Variants in TENM4 observed in about 807,000 individuals in gnomAD.
The protein encoded by TENM4 is teneurin-4.
TENM4 carries 82 observed loss-of-function variants against 243.3 expected under a neutral mutation model. The observed-to-expected ratio is 0.34, with a 90% CI of 0.28 to 0.40. The LOEUF is 0.40. Ranked by LOEUF, TENM4 falls within the 10% of genes least tolerant of loss-of-function variation. The pLI, the probability that TENM4 is intolerant of heterozygous loss-of-function variation, is 1.00. For synonymous variants in TENM4, 1,412 were observed against 1,456.3 expected (o/e 0.97, Z 0.69); for missense variants, 3,138 against 3,673.3 (o/e 0.85, Z 3.77).
intron 2 of TENM4, among the ~76,000 whole-genome samples, chr11:79,231,032 C>T (rs1229002234): frequency 1.3e-5 from 2 of 152,138 alleles, no homozygotes; most frequent in Non-Finnish European, 2.9e-5. Flanking sequence ...CCAACCTTGG[C>T]TGGGGATTCT....
intron 1 of TENM4, among the ~76,000 whole-genome samples, chr11:79,349,472 G>C (rs941693295): frequency 2.0e-5 from 3 of 152,156 alleles, no homozygotes; most frequent in Non-Finnish European, 4.4e-5. Context: ...ATATTGTTGA[G>C]TCCCCAGAAT....
At chr11:78,920,186 T>C (rs1856418762) in intron 6 of TENM4, among the ~76,000 whole-genome samples, 1 of 152,204 alleles carries the variant, frequency 6.6e-6, no homozygotes, top group Admixed American at 6.5e-5. Flanking sequence ...AGACCATCGA[T>C]ATCAACTCAG....
chr11:79,273,716 C>T (rs769927199), intron 2 of TENM4, among the ~76,000 whole-genome samples: 1 of 152,146 alleles, frequency 6.6e-6, no homozygotes, highest in Non-Finnish European at 1.5e-5. Flanking sequence ...CCTGAGATCT[C>T]GAGGTTGGCT....
At chr11:78,913,606 TGTGTGTG>T (rs1856245479) in intron 6 of TENM4, among the ~76,000 whole-genome samples, 1 of 150,970 alleles carries the variant, frequency 6.6e-6, no homozygotes, top group East Asian at 1.9e-4. Context: ...TGTGTGTGTG[TGTGTGTG>T]TGTGTGTGTG....
intron 3 of TENM4, among the ~76,000 whole-genome samples, chr11:79,178,614 G>A (rs1863219107): frequency 6.6e-6 from 1 of 152,196 alleles, no homozygotes; most frequent in Admixed American, 6.5e-5. Context: ...ACTGAGCAAG[G>A]ACCACTGCAT....
intron 1 of TENM4, among the ~76,000 whole-genome samples, chr11:79,396,490 C>T (rs1471539299): frequency 6.6e-6 from 1 of 152,210 alleles, no homozygotes; most frequent in Non-Finnish European, 1.5e-5. Context: ...AATAGAAGCC[C>T]TGTGATCCCC....
intron 12 of TENM4, among the ~76,000 whole-genome samples, chr11:78,815,500 C>T (rs1209994682): frequency 6.6e-6 from 1 of 152,156 alleles, no homozygotes; most frequent in Non-Finnish European, 1.5e-5. Context: ...CCTCCTAATA[C>T]GTTTGTTACA....
At chr11:79,222,393 A>T (rs1457996998) in intron 2 of TENM4, among the ~76,000 whole-genome samples, 3 of 151,818 alleles carry the variant, frequency 2.0e-5, no homozygotes, top group Non-Finnish European at 4.4e-5. Flanking sequence ...ATTTTTTTTC[A>T]TCCAGTCTAT....
At chr11:79,240,531 A>G (rs902030228) in intron 2 of TENM4, among the ~76,000 whole-genome samples, 2 of 152,144 alleles carry the variant, frequency 1.3e-5, no homozygotes, top group African/African-American at 4.8e-5. Flanking sequence ...CAGAGAAATT[A>G]AGTAACTCAT....
At chr11:79,228,481 A>G (rs1307307368) in intron 2 of TENM4, among the ~76,000 whole-genome samples, 1 of 152,146 alleles carries the variant, frequency 6.6e-6, no homozygotes, top group Admixed American at 6.5e-5. Flanking sequence ...ACCAATGCCG[A>G]GACTCCAGTG....
chr11:79,278,875 G>T (rs1192009977), intron 2 of TENM4, among the ~76,000 whole-genome samples: 1 of 152,122 alleles, frequency 6.6e-6, no homozygotes, highest in Non-Finnish European at 1.5e-5. Context: ...TCAAGGTGAG[G>T]CCTGGGCTCT....
intron 1 of TENM4, among the ~76,000 whole-genome samples, chr11:79,313,841 T>C (rs992970097): frequency 1.3e-5 from 2 of 151,990 alleles, no homozygotes; most frequent in Non-Finnish European, 2.9e-5. Flanking sequence ...ATTACTGGAG[T>C]TCTGGGGAGG....
intron 3 of TENM4, among the ~76,000 whole-genome samples, chr11:79,189,346 C>G (rs1440380914): frequency 6.6e-6 from 1 of 152,152 alleles, no homozygotes; most frequent in Non-Finnish European, 1.5e-5. Context: ...GTGTTCCCAC[C>G]ACAGTCTCCT....
At position 78,701,646 on chromosome 11, in the gene TENM4, G is replaced by A. The variant is rs1859106561; in HGVS notation, c.4967C>T (p.Thr1656Ile). 2 of 1,613,824 alleles carry A rather than the reference G, an allele frequency of 1.2e-6. No individual in the cohort carries two copies. Among genetic ancestry groups the A allele is most frequent in the African/African-American group, 1.3e-5 (1 of 74,906 alleles). ...DGQVYWVTMG[T>I]NSALKSVTTQ... ...GGTCACACTCTTGAGTGCACTGTTG[G>A]TGCCCATGGTCACCCAGTACACCTG... The change falls in exon 28 of 34, where the codon ACC becomes ATC. Residue 1656 changes from threonine (T) to isoleucine (I), a missense_variant. Thr to Ile is a moderately conservative substitution (Grantham distance 89). Around this residue, in one of 2 missense-constraint regions of TENM4, gnomAD observed 2,467 missense variants for 3,059.1 expected, o/e 0.81. Coordinates refer to ENST00000278550, the MANE Select transcript of TENM4 (RefSeq NM_001098816.3).
chr11:78,814,085 G>A (rs143930700), intron 13 of TENM4, among the ~76,000 whole-genome samples: 6 of 152,124 alleles, frequency 3.9e-5, no homozygotes, highest in African/African-American at 4.8e-5. Flanking sequence ...TGACCTCCCC[G>A]ATCATCCACA....
At chr11:78,868,555 A>G (rs1013479438) in intron 9 of TENM4, among the ~76,000 whole-genome samples, 4 of 152,198 alleles carry the variant, frequency 2.6e-5, no homozygotes, top group Non-Finnish European at 4.4e-5. Flanking sequence ...CCAGTGAGAC[A>G]TGAGAGATGG....
chr11:79,247,415 T>TCAA (rs1303122820), intron 2 of TENM4, among the ~76,000 whole-genome samples: 4 of 25,536 alleles, frequency 1.6e-4, no homozygotes, highest in Non-Finnish European at 3.0e-4. Context: ...AGACTCTGTC[T>TCAA]CAAAAAAAAA....
chr11:78,919,834 A>C (rs540748626), intron 6 of TENM4, among the ~76,000 whole-genome samples: 1 of 152,198 alleles, frequency 6.6e-6, no homozygotes, highest in South Asian at 2.1e-4. Flanking sequence ...ATCAGCCTAG[A>C]GTGCCTTTCC....
intron 2 of TENM4, among the ~76,000 whole-genome samples, chr11:79,244,560 A>C (rs1855480419): frequency 6.6e-6 from 1 of 152,108 alleles, no homozygotes; most frequent in Non-Finnish European, 1.5e-5. Flanking sequence ...TTGAGGACTC[A>C]CCCATAAAAA....
Sources: allele counts gnomAD v4.1 joint callset (sites outside exome capture counted in the v4.1 genomes callset), GRCh38; gene constraint gnomAD v4.1.1; regional missense constraint gnomAD v4.1.1; transcripts MANE v1.5; gene names NCBI Gene and HGNC (gene_info 2026-07-23, HGNC 2026-07-21).